The following TCERG1L variants were observed in gnomAD, a reference collection of about 807,000 sequenced individuals.
The protein encoded by TCERG1L is transcription elongation regulator 1-like protein.
Under a neutral mutation model 56.3 loss-of-function variants are expected in TCERG1L, and 37 were observed. The ratio of observed to expected loss-of-function variants is 0.66; its 90% CI spans 0.51 to 0.87. The LOEUF is 0.87. Among genes scored for constraint, TCERG1L ranks in the 40% least tolerant of loss-of-function variants. The pLI, the probability that TCERG1L is intolerant of heterozygous loss-of-function variation, is 0.00. For synonymous variants in TCERG1L, 324 were observed against 326.3 expected (o/e 0.99, Z 0.08); for missense variants, 799 against 774.2 (o/e 1.03, Z -0.38).
chr10:131,291,396 CATTTCTT>C (rs1846620969), intron 3 of TCERG1L, among the ~76,000 whole-genome samples: 1 of 67,742 alleles, frequency 1.5e-5, no homozygotes, highest in South Asian at 4.9e-4. Context: ...CCATAAACAG[CATTTCTT>C]TTTTTTTTTT....
intron 4 of TCERG1L, among the ~76,000 whole-genome samples, chr10:131,187,612 C>T (rs908461589): frequency 6.6e-6 from 1 of 152,126 alleles, no homozygotes; most frequent in African/African-American, 2.4e-5. Context: ...TGGTGGAAAA[C>T]CAAAGGCCAA....
intron 7 of TCERG1L, among the ~76,000 whole-genome samples, chr10:131,144,194 A>G (rs1242094605): frequency 6.6e-6 from 1 of 152,244 alleles, no homozygotes; most frequent in Non-Finnish European, 1.5e-5. Flanking sequence ...GTCGACTGAA[A>G]TGCTTAATTG....
Position 131,263,365 on chromosome 10 carries a change from C to T in TCERG1L, c.671-2921G>A, listed in dbSNP as rs893135113. On this transcript the variant is annotated intron_variant, in intron 3 of 11. Transcript: ENST00000368642. ...AAATTTATAAGATAAAGTAATTATG[C>T]GGATAAAAAGGCCCCTCCTGAACTC... Among the ~76,000 whole-genome samples, 9 of 152,094 alleles carry T rather than the reference C, an allele frequency of 5.9e-5. No individual in the cohort carries two copies. The South Asian group carries it at 6.2e-4, about 11-fold the overall frequency.
intron 4 of TCERG1L, among the ~76,000 whole-genome samples, chr10:131,254,960 G>A (rs996611958): frequency 1.3e-5 from 2 of 152,168 alleles, no homozygotes; most frequent in Non-Finnish European, 2.9e-5. Context: ...AGTTGCATCC[G>A]TCAACCTAGA....
intron 3 of TCERG1L, among the ~76,000 whole-genome samples, chr10:131,281,097 T>C (rs1564832681): frequency 2.6e-5 from 4 of 152,260 alleles, no homozygotes; most frequent in South Asian, 2.1e-4. Context: ...TCAATGTTTA[T>C]ATGCCTCTTT....
chr10:131,135,849 C>T (rs985424890), intron 7 of TCERG1L, among the ~76,000 whole-genome samples: 2 of 152,234 alleles, frequency 1.3e-5, no homozygotes, highest in Non-Finnish European at 2.9e-5. Flanking sequence ...AAGGAATTCC[C>T]ATGGGCAGTG....
At chr10:131,120,947 G>A (rs1385981581) in intron 8 of TCERG1L, among the ~76,000 whole-genome samples, 1 of 152,210 alleles carries the variant, frequency 6.6e-6, no homozygotes, top group Non-Finnish European at 1.5e-5. Flanking sequence ...GGAGCTTACA[G>A]TCCAGTGGGA....
At chr10:131,104,184 T>C (rs543206082) in intron 10 of TCERG1L, 81 bp downstream of exon 10, 2 of 1,046,448 alleles carry the variant, frequency 1.9e-6, no homozygotes, top group East Asian at 2.6e-5. Context: ...TATTGAGCAA[T>C]GAAAAGCTCC....
At position 131,176,050 on chromosome 10, in the gene TCERG1L, G is replaced by A. The variant is rs550143890; in HGVS notation, c.857-9165C>T. 2.0e-5 allele frequency among the ~76,000 whole-genome samples: 3 copies of A among 152,336 alleles called. No individual in the cohort carries two copies. In the South Asian group the frequency reaches 6.2e-4, roughly 32 times the overall value. Reference sequence around the variant, plus strand: ...AAAAATACAGCTGCCGACAGACGGAGAGCTTCAGTCTGTCGCTTCGTCGAG... The same window carrying A: ...AAAAATACAGCTGCCGACAGACGGAAAGCTTCAGTCTGTCGCTTCGTCGAG... On this transcript the variant is annotated intron_variant, in intron 4 of 11. Transcript: ENST00000368642.
intron 4 of TCERG1L, among the ~76,000 whole-genome samples, chr10:131,184,984 T>A (rs1845220499): frequency 6.6e-6 from 1 of 152,128 alleles, no homozygotes; most frequent in South Asian, 2.1e-4. Flanking sequence ...ACTGTAGAGA[T>A]TACGGCAGGC....
intron 3 of TCERG1L, among the ~76,000 whole-genome samples, chr10:131,279,824 C>A (rs1036502981): frequency 5.3e-5 from 8 of 152,024 alleles, no homozygotes; most frequent in African/African-American, 1.9e-4. Context: ...ATAGCAAACC[C>A]TGTGAAAACC....
At chr10:131,126,186 C>T (rs963435633) in intron 8 of TCERG1L, among the ~76,000 whole-genome samples, 2 of 152,240 alleles carry the variant, frequency 1.3e-5, no homozygotes, top group African/African-American at 2.4e-5. Flanking sequence ...CAGGCCCTAC[C>T]GTGGCTGGAC....
At chr10:131,218,004 G>T (rs960524177) in intron 4 of TCERG1L, among the ~76,000 whole-genome samples, 1 of 152,140 alleles carries the variant, frequency 6.6e-6, no homozygotes, top group East Asian at 1.9e-4. Context: ...GATTACCGGC[G>T]TGAGCCAACG....
intron 3 of TCERG1L, among the ~76,000 whole-genome samples, chr10:131,288,607 T>C (rs886649573): frequency 6.6e-6 from 1 of 152,102 alleles, no homozygotes; most frequent in African/African-American, 2.4e-5. Flanking sequence ...CTATAAAAAT[T>C]ACCTCGGAAC....
At chr10:131,284,999 AAC>A (rs1178298818) in intron 3 of TCERG1L, among the ~76,000 whole-genome samples, 2 of 152,206 alleles carry the variant, frequency 1.3e-5, no homozygotes, top group Non-Finnish European at 2.9e-5. Context: ...ATTCTTCCAA[AAC>A]ATTAAAAAAA....
At chr10:131,182,892 T>C (rs1422571058) in intron 4 of TCERG1L, among the ~76,000 whole-genome samples, 8 of 152,266 alleles carry the variant, frequency 5.3e-5, no homozygotes, top group Admixed American at 1.3e-4. Flanking sequence ...TCCAGTCATT[T>C]GATACAAATG....
At chr10:131,255,231 A>T (rs1846154538) in intron 4 of TCERG1L, among the ~76,000 whole-genome samples, 1 of 152,210 alleles carries the variant, frequency 6.6e-6, no homozygotes, top group Admixed American at 6.5e-5. Flanking sequence ...ATACAAACAA[A>T]TGCTGCACAA....
chr10:131,146,174 G>A (rs1845792032), intron 7 of TCERG1L, among the ~76,000 whole-genome samples: 1 of 152,208 alleles, frequency 6.6e-6, no homozygotes, highest in Non-Finnish European at 1.5e-5. Context: ...CTCTGAAGTG[G>A]CGTTCATAAG....
chr10:131,304,607 A>T (rs532546922), intron 3 of TCERG1L, among the ~76,000 whole-genome samples: 1 of 152,176 alleles, frequency 6.6e-6, no homozygotes, highest in Admixed American at 6.5e-5. Context: ...CTGGGAATCA[A>T]TGGGTCCTAG....
Sources: gnomAD v4.1 joint callset for allele counts (sites outside exome capture counted in the v4.1 genomes callset) on GRCh38, gnomAD v4.1.1 for gene constraint, MANE v1.5 for transcripts, NCBI Gene and HGNC (gene_info 2026-07-23, HGNC 2026-07-21) for gene names.